RPS6KA2: variants seen among roughly 807,000 people sequenced by gnomAD.
RPS6KA2 encodes the protein ribosomal protein S6 kinase A2, also known as ribosomal protein S6 kinase alpha-2.
A neutral mutation model predicts 91.8 loss-of-function variants in RPS6KA2; 42 were observed. The ratio of observed to expected loss-of-function variants is 0.46; its 90% confidence interval spans 0.36 to 0.59. The LOEUF (loss-of-function observed/expected upper bound fraction) is 0.59. Ranked by LOEUF, RPS6KA2 falls within the 20% of genes least tolerant of loss-of-function variation. The pLI is 0.00. For missense variants in RPS6KA2, 798 were observed against 978.5 expected, an observed-to-expected ratio of 0.82 and a Z score of 2.46; for synonymous variants, 414 against 393.6, an observed-to-expected ratio of 1.05 and a Z score of -0.61.
Position 166,412,473 on chromosome 6 carries a change from G to T in RPS6KA2, c.*289C>A. The T allele has an allele frequency of 3.9e-6, 1 of 259,306 alleles. No individual in the cohort carries two copies. The highest frequency in any genetic ancestry group is 7.4e-6 in the Non-Finnish European group (1 of 135,968). The allele number at this position is 259,306 out of a possible 1,614,324, so 16.1% of individuals were successfully genotyped here. A position where few individuals can be genotyped will look rare whatever the true frequency, so the allele number is the denominator to read the frequency against. On this transcript the variant is annotated 3_prime_UTR_variant, in exon 21 of 21. Coordinates refer to ENST00000265678, the MANE Select transcript of RPS6KA2 (RefSeq NM_021135.6). The surrounding 1 kb of genome is among the most constrained non-coding windows in gnomAD (Gnocchi z 4.3). ...AAGCCATGTATGAGAGGACCCGCGG[G>T]CTCTGAAAGAAGCCCCCGGCCTCGC...
At chr6:166,839,029 G>A (rs1173814270) in intron 2 of RPS6KA2, among the ~76,000 whole-genome samples, 1 of 152,116 alleles carries the variant, frequency 6.6e-6, no homozygotes, top group Non-Finnish European at 1.5e-5. Context: ...GCAGGAAGTG[G>A]GTTCTGGAAA....
intron 1 of RPS6KA2, among the ~76,000 whole-genome samples, chr6:166,548,879 G>A (rs951366763): frequency 2.0e-5 from 3 of 152,218 alleles, no homozygotes; most frequent in Admixed American, 6.5e-5. Flanking sequence ...AAGACTCTGT[G>A]AAGGAGATGA....
intron 2 of RPS6KA2, among the ~76,000 whole-genome samples, chr6:166,805,611 G>A (rs1372459421): frequency 2.0e-5 from 3 of 152,160 alleles, no homozygotes; most frequent in African/African-American, 7.2e-5. Context: ...CCTTGACACA[G>A]AGACAGCCTA....
chr6:166,817,856 G>A (rs1779810872), intron 2 of RPS6KA2, among the ~76,000 whole-genome samples: 1 of 151,780 alleles, frequency 6.6e-6, no homozygotes. Context: ...CCGAGTAGCT[G>A]GGATTACAGG....
At chr6:166,621,456 T>C (rs1786631493) in intron 1 of RPS6KA2, among the ~76,000 whole-genome samples, 1 of 152,234 alleles carries the variant, frequency 6.6e-6, no homozygotes, top group Non-Finnish European at 1.5e-5. Flanking sequence ...ATTTGCTTGA[T>C]TAAATCACAC....
At chr6:166,699,303 G>A (rs930413672) in intron 2 of RPS6KA2, among the ~76,000 whole-genome samples, 4 of 152,174 alleles carry the variant, frequency 2.6e-5, no homozygotes, top group Non-Finnish European at 5.9e-5. Context: ...GGGTTCTCAG[G>A]AGCCATCAGA....
chr6:166,569,137 CATGTCCCGTATAATT>C (rs372731620), intron 1 of RPS6KA2, among the ~76,000 whole-genome samples: 326 of 152,316 alleles, frequency 2.1e-3, no homozygotes, highest in African/African-American at 7.4e-3. Flanking sequence ...CAGACACAAG[CATGTCCCGTATAATT>C]ATTCCCTTTC....
chr6:166,425,417 A>G (rs977386457), intron 16 of RPS6KA2, among the ~76,000 whole-genome samples: 1 of 152,166 alleles, frequency 6.6e-6, no homozygotes, highest in Non-Finnish European at 1.5e-5. Flanking sequence ...ACCAGCTAAC[A>G]TCGTAATGAC....
chr6:166,824,776 C>CGTGTCTAT (rs1780000026), intron 2 of RPS6KA2, among the ~76,000 whole-genome samples: 1 of 18,962 alleles, frequency 5.3e-5, no homozygotes, highest in Non-Finnish European at 1.1e-4. Flanking sequence ...TGTGTGTCTA[C>CGTGTCTAT]GTGTGTGTCT....
intron 2 of RPS6KA2, among the ~76,000 whole-genome samples, chr6:166,840,532 T>G (rs1256063233): frequency 1.3e-5 from 2 of 152,152 alleles, no homozygotes; most frequent in Non-Finnish European, 2.9e-5. Flanking sequence ...GTGCTTTCCT[T>G]TCCTCGCCAT....
intron 2 of RPS6KA2, among the ~76,000 whole-genome samples, chr6:166,637,288 A>C (rs1185285271): frequency 6.6e-6 from 1 of 152,244 alleles, no homozygotes; most frequent in Non-Finnish European, 1.5e-5. Flanking sequence ...GGCCTGGGCC[A>C]AGGAGGGGCC....
At chr6:166,466,121 A>G (rs1562513327) in intron 11 of RPS6KA2, among the ~76,000 whole-genome samples, 1 of 152,218 alleles carries the variant, frequency 6.6e-6, no homozygotes, top group East Asian at 1.9e-4. Context: ...GAGCAACAAA[A>G]GGAACTTCTC....
intron 11 of RPS6KA2, among the ~76,000 whole-genome samples, chr6:166,462,397 A>G (rs1429867499): frequency 1.3e-5 from 2 of 152,024 alleles, no homozygotes; most frequent in African/African-American, 4.8e-5. Context: ...ATCTGTGACC[A>G]CCCTGCCTCT....
intron 2 of RPS6KA2, among the ~76,000 whole-genome samples, chr6:166,776,186 A>G (rs7750567): frequency 0.17 from 25,691 of 152,232 alleles, 2,333 homozygotes; most frequent in African/African-American, 0.22. Flanking sequence ...GACGCCAGGC[A>G]GAAATGACAG....
rs554281318 is a variant in RPS6KA2, at chr6:166,430,514, C to T, written c.1520G>A (p.Arg507His). The change falls in exon 16 of 21, where the codon CGC becomes CAC. Residue 507 changes from arginine to histidine, a missense_variant. Coordinates refer to ENST00000265678, the MANE Select transcript of RPS6KA2 (RefSeq NM_021135.6). ...GGTGCACAGGACGTCACTGGCTTCGCGCTCCGAGAAGTATCTCTGCCGGAG... is the reference window on the plus strand; with the variant it reads ...GGTGCACAGGACGTCACTGGCTTCGTGCTCCGAGAAGTATCTCTGCCGGAG... ...RILRQRYFSEREASDVLCTIT... is the reference protein window; with the variant it reads ...RILRQRYFSEHEASDVLCTIT... 5.0e-6 allele frequency: 8 copies of T among 1,614,148 alleles called. No homozygotes were observed. In the Admixed American group the frequency reaches 5.0e-5, roughly 10 times the overall value.
rs1425826723 is a variant in RPS6KA2, at chr6:166,493,886, C to T, written c.748-3145G>A. 6.6e-6 allele frequency among the ~76,000 whole-genome samples: 1 copy of T among 152,150 alleles called. No homozygotes were observed. The highest frequency in any genetic ancestry group is 1.5e-5 in the Non-Finnish European group (1 of 68,030). ...GACCTCAACAGTGCTGGCTGAGAAG[C>T]CCTGTCTAAAGGGACAGCTAAGGAA... On this transcript the variant is annotated intron_variant, in intron 8 of 20. Transcript: ENST00000265678. This position sits in a 1 kb window ranked among gnomAD's most constrained non-coding sequence, Gnocchi z 4.7.
intron 1 of RPS6KA2, among the ~76,000 whole-genome samples, chr6:166,609,890 A>G (rs1786104765): frequency 6.6e-6 from 1 of 152,230 alleles, no homozygotes; most frequent in Admixed American, 6.5e-5. Flanking sequence ...ACAAACTGGA[A>G]TACTCAGGCA....
At chr6:166,587,192 C>T (rs1785203690) in intron 1 of RPS6KA2, among the ~76,000 whole-genome samples, 1 of 152,194 alleles carries the variant, frequency 6.6e-6, no homozygotes, top group Admixed American at 6.5e-5. Flanking sequence ...GAAATATTTT[C>T]CTGAAACACA....
chr6:166,731,054 C>G (rs375494115), intron 2 of RPS6KA2, among the ~76,000 whole-genome samples: 17 of 152,130 alleles, frequency 1.1e-4, no homozygotes, highest in African/African-American at 4.1e-4. Flanking sequence ...ACCAGCCTGA[C>G]CAACATGGTG....
Sources: gnomAD v4.1 joint callset for allele counts (sites outside exome capture counted in the v4.1 genomes callset) on GRCh38, gnomAD v4.1.1 for gene constraint, Gnocchi (gnomAD v3.1) non-coding constraint, MANE v1.5 for transcripts, NCBI Gene and HGNC (gene_info 2026-07-23, HGNC 2026-07-21) for gene names.